The following SCFD2 variants were observed in gnomAD, a reference collection of about 807,000 sequenced individuals.
The protein encoded by SCFD2 is sec1 family domain-containing protein 2.
In SCFD2, 54 loss-of-function variants were observed where a neutral mutation model predicts 58.9. The ratio of observed to expected loss-of-function variants is 0.92; its 90% confidence interval spans 0.74 to 1.15. SCFD2 has a LOEUF of 1.15. SCFD2 is among the 50% of genes most tolerant of loss of function. The pLI is 0.00. For missense variants in SCFD2, 805 were observed against 836.6 expected (o/e 0.96, Z 0.47); for synonymous variants, 321 against 335.9 (o/e 0.96, Z 0.49).
In SCFD2 at chr4:53,352,727, A is replaced by G; in HGVS notation, c.878T>C (p.Ile293Thr). ...TGGGAGCTGGGGAAGTGCTGAAATG[A>G]TCTTCTCTACTAAGTTGTCTCCATG... is the stretch of plus-strand genomic sequence containing the variant. ...GHHGDNLVEK[I>T]ISALPQLPGH... The change falls in exon 2 of 9, where the codon ATC (isoleucine) becomes ACC (threonine). Residue 293 changes from isoleucine (I) to threonine (T), a missense_variant. Coordinates refer to ENST00000401642, the MANE Select transcript of SCFD2 (RefSeq NM_152540.4). 1 of 1,614,114 alleles carries G rather than the reference A, an allele frequency of 6.2e-7. No homozygotes were observed.
Position 53,365,144 on chromosome 4 carries a change from C to G in SCFD2, c.798G>C (p.Arg266Ser). ...AKNRKKTAAG[R>S]ASVVFVDRTL... is the part of the protein sequence containing the mutation. ...TTCTGTCCACAAAAACCACTGATGC[C>G]CTGCCTGCAGCAGTCTTCTTCCTGT... The change falls in exon 1 of 9, where the codon AGG becomes AGC. Residue 266 changes from arginine (R) to serine (S), a missense_variant. Around this residue, in one of 3 missense-constraint regions of SCFD2, gnomAD observed 633 missense variants for 646.8 expected, o/e 0.98. Coordinates refer to ENST00000401642, the MANE Select transcript of SCFD2 (RefSeq NM_152540.4). The surrounding 1 kb of genome is among the most constrained non-coding windows in gnomAD (Gnocchi z 4.3). The G allele has an allele frequency of 1.2e-6, 2 of 1,614,164 alleles. No homozygotes were observed. The highest frequency in any genetic ancestry group is 1.7e-6 in the Non-Finnish European group (2 of 1,180,028).
intron 5 of SCFD2, among the ~76,000 whole-genome samples, chr4:53,003,642 T>C (rs1284761847): frequency 1.3e-5 from 2 of 152,246 alleles, no homozygotes; most frequent in African/African-American, 2.4e-5. Context: ...TGTGTCCCTG[T>C]ACAGAAATTG....
intron 4 of SCFD2, among the ~76,000 whole-genome samples, chr4:53,229,155 T>C (rs1044793463): frequency 2.0e-5 from 3 of 152,200 alleles, no homozygotes; most frequent in South Asian, 2.1e-4. Flanking sequence ...CCCATGCTCA[T>C]GGCTAGGAAG....
chr4:53,059,882 G>A (rs907869616), intron 5 of SCFD2, among the ~76,000 whole-genome samples: 2 of 151,940 alleles, frequency 1.3e-5, no homozygotes, highest in Non-Finnish European at 1.5e-5. Flanking sequence ...TTTGTAGTCA[G>A]GAATTTTATG....
At chr4:53,112,417 G>T (rs1160686472) in intron 5 of SCFD2, among the ~76,000 whole-genome samples, 3 of 151,908 alleles carry the variant, frequency 2.0e-5, no homozygotes, top group Admixed American at 6.6e-5. Context: ...AACTCAACTG[G>T]GATTTACTGT....
At chr4:53,322,583 TA>T (rs1288732377) in intron 2 of SCFD2, among the ~76,000 whole-genome samples, 6 of 152,240 alleles carry the variant, frequency 3.9e-5, no homozygotes, top group African/African-American at 1.2e-4. Context: ...AACACAAACG[TA>T]TTAATAATTT....
At chr4:53,174,680 T>A (rs1218101254) in intron 4 of SCFD2, among the ~76,000 whole-genome samples, 1 of 152,144 alleles carries the variant, frequency 6.6e-6, no homozygotes, top group Non-Finnish European at 1.5e-5. Context: ...GAAAGAGACT[T>A]ACATTAATGA....
At chr4:53,351,847 T>C (rs2149162714) in intron 2 of SCFD2, among the ~76,000 whole-genome samples, 2 of 152,324 alleles carry the variant, frequency 1.3e-5, no homozygotes, top group African/African-American at 4.8e-5. Flanking sequence ...GGGAGGAAAT[T>C]CCAAATGCAT....
At chr4:53,278,245 T>G (rs929794674) in intron 3 of SCFD2, among the ~76,000 whole-genome samples, 2 of 150,524 alleles carry the variant, frequency 1.3e-5, no homozygotes, top group Non-Finnish European at 2.9e-5. Context: ...TGGGCACCTG[T>G]AGTTCCAGCT....
intron 3 of SCFD2, among the ~76,000 whole-genome samples, chr4:53,295,354 A>G (rs1731989495): frequency 6.6e-6 from 1 of 152,104 alleles, no homozygotes; most frequent in Admixed American, 6.6e-5. Context: ...GAGGTCCTTC[A>G]AATCCCTTGC....
intron 5 of SCFD2, among the ~76,000 whole-genome samples, chr4:52,923,277 G>T (rs902536738): frequency 5.9e-5 from 9 of 152,078 alleles, no homozygotes; most frequent in Non-Finnish European, 1.2e-4. Context: ...AGGAGTTCGA[G>T]ACCAGCCTGG....
At chr4:53,025,116 C>A (rs1053300438) in intron 5 of SCFD2, among the ~76,000 whole-genome samples, 1 of 152,064 alleles carries the variant, frequency 6.6e-6, no homozygotes, top group African/African-American at 2.4e-5. Flanking sequence ...ATGGAATGAA[C>A]AGAAGAAGGG....
At chr4:53,301,781 G>T (rs1212879284) in intron 3 of SCFD2, among the ~76,000 whole-genome samples, 3 of 152,154 alleles carry the variant, frequency 2.0e-5, no homozygotes, top group Non-Finnish European at 4.4e-5. Context: ...TCCCTGGGAT[G>T]CAAGGTTGGT....
chr4:52,972,260 T>C (rs989620028), intron 5 of SCFD2, among the ~76,000 whole-genome samples: 1 of 152,078 alleles, frequency 6.6e-6, no homozygotes, highest in African/African-American at 2.4e-5. Context: ...GTGTGCTGTA[T>C]TCAGGAAACC....
intron 5 of SCFD2, among the ~76,000 whole-genome samples, chr4:53,069,056 A>G (rs1257623880): frequency 6.6e-6 from 1 of 152,070 alleles, no homozygotes; most frequent in Non-Finnish European, 1.5e-5. Flanking sequence ...GATACCTCAT[A>G]GAAGGCTTTG....
intron 5 of SCFD2, among the ~76,000 whole-genome samples, chr4:53,086,347 A>C (rs1172319456): frequency 6.6e-6 from 1 of 152,210 alleles, no homozygotes; most frequent in Non-Finnish European, 1.5e-5. Flanking sequence ...ACCTCACCTC[A>C]GTTAAAATGA....
intron 4 of SCFD2, among the ~76,000 whole-genome samples, chr4:53,209,419 G>A (rs1476730314): frequency 6.6e-6 from 1 of 152,110 alleles, no homozygotes; most frequent in Non-Finnish European, 1.5e-5. Context: ...TCTCTTCAAA[G>A]ACCAAGTGGA....
chr4:53,213,812 C>T (rs1481526211), intron 4 of SCFD2, among the ~76,000 whole-genome samples: 2 of 152,156 alleles, frequency 1.3e-5, no homozygotes, highest in South Asian at 2.1e-4. Context: ...CTCCTCCCAC[C>T]ACCCCACGAC....
In SCFD2 at chr4:53,215,929, T is replaced by C. The variant is rs146542430; in HGVS notation, c.1311+57897A>G. Among the ~76,000 whole-genome samples, 33 of 152,322 alleles carry C rather than the reference T, an allele frequency of 2.2e-4. No individual in the cohort carries two copies. In the East Asian group the frequency reaches 6.0e-3, roughly 28 times the overall value. ...ATGTGGTTTTTGTCTTTGGTTCTGTTTATATGCTGGATTACGTTTATTGAT... is the reference window on the plus strand; with the variant it reads ...ATGTGGTTTTTGTCTTTGGTTCTGTCTATATGCTGGATTACGTTTATTGAT... On this transcript the variant is annotated intron_variant, in intron 4 of 8. Transcript: ENST00000401642.
Sources: allele counts gnomAD v4.1 joint callset (sites outside exome capture counted in the v4.1 genomes callset), GRCh38; gene constraint gnomAD v4.1.1; regional missense constraint gnomAD v4.1.1; non-coding constraint Gnocchi (gnomAD v3.1); transcripts MANE v1.5; gene names NCBI Gene and HGNC (gene_info 2026-07-23, HGNC 2026-07-21).